Variants in TBC1D5 observed in about 807,000 individuals in gnomAD.
TBC1D5 encodes TBC1 domain family, member 5.
TBC1D5 carries 75 observed loss-of-function variants against 100.3 expected under a neutral mutation model. The ratio of observed to expected loss-of-function variants is 0.75; its 90% CI spans 0.62 to 0.91. The LOEUF is 0.91. TBC1D5 is among the 40% of genes least tolerant of loss of function. TBC1D5 has a pLI of 0.00. For missense variants in TBC1D5, 910 were observed against 942.4 expected (o/e 0.97, Z 0.45); for synonymous variants, 323 against 325.6 (o/e 0.99, Z 0.09).
chr3:17,680,677 T>G (rs1460510633), intron 1 of TBC1D5, among the ~76,000 whole-genome samples: 1 of 151,432 alleles, frequency 6.6e-6, no homozygotes, highest in Non-Finnish European at 1.5e-5. Context: ...TGTTTGGTTT[T>G]TACTGTTTCT....
At chr3:17,709,466 T>A (rs969238371) in intron 1 of TBC1D5, among the ~76,000 whole-genome samples, 1 of 152,194 alleles carries the variant, frequency 6.6e-6, no homozygotes, top group Non-Finnish European at 1.5e-5. Context: ...TGATTTTCAG[T>A]TCCCTATAAA....
chr3:17,434,712 C>T (rs2094504651), intron 3 of TBC1D5, among the ~76,000 whole-genome samples: 1 of 152,198 alleles, frequency 6.6e-6, no homozygotes, highest in Non-Finnish European at 1.5e-5. Flanking sequence ...GTGAAGGTCT[C>T]TGACATGCCC....
chr3:17,448,096 C>CAA (rs1277068658), intron 3 of TBC1D5, among the ~76,000 whole-genome samples: 3 of 152,160 alleles, frequency 2.0e-5, no homozygotes, highest in African/African-American at 7.2e-5. Flanking sequence ...CCCTCGGGTT[C>CAA]AAGGCTGATT....
intron 3 of TBC1D5, among the ~76,000 whole-genome samples, chr3:17,470,814 C>T (rs1576196891): frequency 1.3e-5 from 2 of 151,758 alleles, no homozygotes; most frequent in Non-Finnish European, 2.9e-5. Context: ...CCCAGCTACT[C>T]GGGAGGCTGA....
At chr3:17,657,658 A>G (rs576464036) in intron 1 of TBC1D5, among the ~76,000 whole-genome samples, 1 of 152,206 alleles carries the variant, frequency 6.6e-6, no homozygotes, top group Non-Finnish European at 1.5e-5. Context: ...CTTTAGCTGC[A>G]TCAATATAGT....
At chr3:17,581,260 T>C (rs1437663093) in intron 2 of TBC1D5, among the ~76,000 whole-genome samples, 3 of 152,228 alleles carry the variant, frequency 2.0e-5, no homozygotes, top group Non-Finnish European at 4.4e-5. Flanking sequence ...TAAACCACTT[T>C]TTCTTTATAA....
chr3:17,601,118 A>G (rs1419175238), intron 2 of TBC1D5, among the ~76,000 whole-genome samples: 6 of 152,224 alleles, frequency 3.9e-5, no homozygotes, highest in Non-Finnish European at 8.8e-5. Flanking sequence ...TTGGTCACCT[A>G]TTCTAAAACT....
At chr3:17,386,120 T>C (rs1198692629) in intron 8 of TBC1D5, among the ~76,000 whole-genome samples, 2 of 152,124 alleles carry the variant, frequency 1.3e-5, no homozygotes, top group Non-Finnish European at 2.9e-5. Context: ...GCCATTAAGC[T>C]ACGAATAGAA....
At chr3:17,642,516 A>T (rs979697678) in intron 1 of TBC1D5, among the ~76,000 whole-genome samples, 6 of 152,162 alleles carry the variant, frequency 3.9e-5, no homozygotes, top group Non-Finnish European at 7.3e-5. Context: ...CTCACTTTTG[A>T]TTTGAAGGTC....
intron 2 of TBC1D5, among the ~76,000 whole-genome samples, chr3:17,543,507 G>A (rs1012956396): frequency 1.3e-5 from 2 of 151,938 alleles, no homozygotes; most frequent in Non-Finnish European, 2.9e-5. Flanking sequence ...GTGTGGTGGT[G>A]TGCACCTGCA....
At chr3:17,703,906 TTTTTTTTG>T (rs2073567154) in intron 1 of TBC1D5, among the ~76,000 whole-genome samples, 7 of 149,942 alleles carry the variant, frequency 4.7e-5, no homozygotes, top group South Asian at 2.1e-4. Context: ...TATTTGTGTT[TTTTTTTTG>T]TTTTTTTTTT....
At chr3:17,672,181 T>TA (rs1447969667) in intron 1 of TBC1D5, among the ~76,000 whole-genome samples, 2 of 152,182 alleles carry the variant, frequency 1.3e-5, no homozygotes, top group South Asian at 2.1e-4. Flanking sequence ...TTCTACCAAA[T>TA]ACATGATTTT....
At chr3:17,409,449 T>G (rs998294136) in intron 4 of TBC1D5, among the ~76,000 whole-genome samples, 2 of 152,054 alleles carry the variant, frequency 1.3e-5, no homozygotes, top group African/African-American at 4.8e-5. Context: ...ACTGTTCGAG[T>G]GAAAAGAAGA....
chr3:17,368,523 G>A (rs1463007131), intron 13 of TBC1D5, among the ~76,000 whole-genome samples: 3 of 151,998 alleles, frequency 2.0e-5, no homozygotes, highest in African/African-American at 7.2e-5. Flanking sequence ...GACTCTACAT[G>A]GGGCTTAATT....
At chr3:17,281,173 G>A (rs1190601710) in intron 15 of TBC1D5, among the ~76,000 whole-genome samples, 1 of 152,140 alleles carries the variant, frequency 6.6e-6, no homozygotes. Flanking sequence ...ACATCTTTAC[G>A]TGTTTCAACC....
At chr3:17,274,869 G>A (rs1322791494) in intron 15 of TBC1D5, among the ~76,000 whole-genome samples, 1 of 152,184 alleles carries the variant, frequency 6.6e-6, no homozygotes, top group Non-Finnish European at 1.5e-5. Context: ...ATGATGGACA[G>A]ACTTTGGGCT....
At chr3:17,715,021 A>G (rs1419685597) in intron 1 of TBC1D5, among the ~76,000 whole-genome samples, 3 of 152,264 alleles carry the variant, frequency 2.0e-5, no homozygotes, top group Non-Finnish European at 4.4e-5. Flanking sequence ...AGCAGTAACA[A>G]TAACACTTAC....
chr3:17,438,549 A>C (rs181321669), intron 3 of TBC1D5, among the ~76,000 whole-genome samples: 1 of 152,162 alleles, frequency 6.6e-6, no homozygotes, highest in African/African-American at 2.4e-5. Context: ...CCATGTGAAG[A>C]AGGACATGTT....
At chr3:17,513,331 C>CA (rs762135211) in intron 2 of TBC1D5, among the ~76,000 whole-genome samples, 3,642 of 124,388 alleles carry the variant, frequency 0.029, 54 homozygotes, top group African/African-American at 0.054. Context: ...GACTCCATCT[C>CA]AAAAAAAAAA....
Sources: allele counts gnomAD v4.1 joint callset (sites outside exome capture counted in the v4.1 genomes callset), GRCh38; gene constraint gnomAD v4.1.1; transcripts MANE v1.5; gene names NCBI Gene and HGNC (gene_info 2026-07-23, HGNC 2026-07-21).